ATL2: variants seen among roughly 807,000 people sequenced by gnomAD.
The protein encoded by ATL2 is atlastin GTPase 2.
Under a neutral mutation model 73.9 loss-of-function variants are expected in ATL2, and 31 were observed. The ratio of observed to expected loss-of-function variants is 0.42; its 90% confidence interval spans 0.32 to 0.57. The LOEUF is 0.57. Ranked by LOEUF, ATL2 falls within the 20% of genes least tolerant of loss-of-function variation. The pLI, the probability that ATL2 is intolerant of heterozygous loss-of-function variation, is 0.14. For missense variants in ATL2, 738 were observed against 702.6 expected (o/e 1.05, Z -0.57); for synonymous variants, 291 against 237.5 (o/e 1.23, Z -2.07).
At chr2:38,323,349 GTTTTTT>G (rs1229668962) in intron 2 of ATL2, among the ~76,000 whole-genome samples, 3 of 75,244 alleles carry the variant, frequency 4.0e-5, no homozygotes, top group African/African-American at 5.4e-5. Flanking sequence ...ATCACCAGAA[GTTTTTT>G]TTTTTTTTTT....
intron 1 of ATL2, among the ~76,000 whole-genome samples, chr2:38,363,381 GT>G (rs1203163526): frequency 1.4e-5 from 2 of 141,270 alleles, no homozygotes; most frequent in Non-Finnish European, 3.0e-5. Flanking sequence ...GGGGGGGGGG[GT>G]TATTTATCAT....
At chr2:38,353,105 A>G (rs995327725) in intron 1 of ATL2, among the ~76,000 whole-genome samples, 1 of 152,250 alleles carries the variant, frequency 6.6e-6, no homozygotes, top group Non-Finnish European at 1.5e-5. Flanking sequence ...CAAGAAAGAA[A>G]AGCAGTTAAC....
intron 1 of ATL2, chr2:38,358,629 T>A (rs1670820763): frequency 8.5e-6 from 2 of 235,444 alleles, no homozygotes; most frequent in South Asian, 6.9e-5. Context: ...GAGGCGGAGC[T>A]TGCAGTGAGC....
intron 1 of ATL2, among the ~76,000 whole-genome samples, chr2:38,354,435 T>G (rs554613404): frequency 7.5e-4 from 114 of 152,294 alleles, no homozygotes; most frequent in African/African-American, 2.7e-3. Context: ...AAAAGACATG[T>G]TATGAGGCAA....
At chr2:38,314,120 T>C (rs1230548341) in intron 6 of ATL2, among the ~76,000 whole-genome samples, 3 of 152,196 alleles carry the variant, frequency 2.0e-5, no homozygotes, top group African/African-American at 7.2e-5. Context: ...GCTCTCCTAC[T>C]GTAACTGCAG....
At chr2:38,331,212 A>G (rs377582756) in intron 2 of ATL2, among the ~76,000 whole-genome samples, 158 of 152,164 alleles carry the variant, frequency 1.0e-3, no homozygotes, top group African/African-American at 3.4e-3. Context: ...AGGTGGGCGG[A>G]TCACGAGGTC....
At chr2:38,302,769 C>T (rs115976218) in intron 9 of ATL2, among the ~76,000 whole-genome samples, 4,594 of 152,276 alleles carry the variant, frequency 0.03, 160 homozygotes, top group South Asian at 0.17. Flanking sequence ...CTTGAAATGT[C>T]CCTAATGCAG....
At chr2:38,365,779 C>G (rs751946831) in intron 1 of ATL2, among the ~76,000 whole-genome samples, 5 of 151,392 alleles carry the variant, frequency 3.3e-5, no homozygotes, top group Non-Finnish European at 7.4e-5. Flanking sequence ...AATGAGACTC[C>G]ATCTCAAAAA....
At chr2:38,330,296 G>C (rs1668912795) in intron 2 of ATL2, among the ~76,000 whole-genome samples, 1 of 149,806 alleles carries the variant, frequency 6.7e-6, no homozygotes, top group South Asian at 2.1e-4. Flanking sequence ...AAATCCTACA[G>C]CTAACATAGT....
Position 38,342,517 on chromosome 2 carries a change from G to T in ATL2, c.363+751C>A, listed in dbSNP as rs182076582. 2.0e-3 allele frequency among the ~76,000 whole-genome samples: 306 copies of T among 152,078 alleles called. 1 individual carries two copies. The highest frequency in any genetic ancestry group is 2.0e-3 in the Non-Finnish European group (133 of 67,988). ...ACTATAGTTTATTTGACATATGAAG[G>T]GCAAGAGATGAGATTCAGAGATCAT... is the stretch of plus-strand genomic sequence containing the variant. On this transcript the variant is annotated intron_variant, in intron 2 of 12. Transcript: ENST00000378954.
chr2:38,345,576 TTTAG>T (rs1272240697), intron 1 of ATL2, among the ~76,000 whole-genome samples: 109 of 152,292 alleles, frequency 7.2e-4, no homozygotes, highest in African/African-American at 2.6e-3. Flanking sequence ...GCAATCAATA[TTTAG>T]TTAAAGGGGA....
intron 2 of ATL2, among the ~76,000 whole-genome samples, chr2:38,331,318 C>A (rs1485027912): frequency 1.3e-5 from 2 of 151,768 alleles, no homozygotes; most frequent in Non-Finnish European, 1.5e-5. Context: ...CACCTGTAGT[C>A]CCAGTTACTC....
rs549033959 is a variant in ATL2 at position 38,376,758 on chromosome 2, CCGGA to C, written c.118+381_118+384del. On this transcript the variant is annotated intron_variant, in intron 1 of 12. Coordinates refer to ENST00000378954, the MANE Select transcript of ATL2 (RefSeq NM_001135673.4). ...GTCGCCCCGCCGCGTCCGGAGCTCGCCGGACGGAGCGGAGCCGCAGCCGACCTCC... is the reference window on the plus strand; with the variant it reads ...GTCGCCCCGCCGCGTCCGGAGCTCGCCGGAGCGGAGCCGCAGCCGACCTCC... Among the ~76,000 whole-genome samples the C allele has an allele frequency of 1.6e-3, 240 of 152,080 alleles. 3 individuals carry two copies. The highest frequency in any genetic ancestry group is 5.6e-3 in the African/African-American group (234 of 41,548).
intron 9 of ATL2, among the ~76,000 whole-genome samples, chr2:38,306,970 A>G (rs1216641467): frequency 6.6e-6 from 1 of 152,198 alleles, no homozygotes; most frequent in Non-Finnish European, 1.5e-5. Context: ...ATGCAGAGGA[A>G]TGAAACTAGA....
rs1427916851 is a variant in ATL2 at position 38,295,538 on chromosome 2, T to TA, written c.*455dup. On this transcript the variant is annotated 3_prime_UTR_variant, in exon 13 of 13. Coordinates refer to ENST00000378954, the MANE Select transcript of ATL2 (RefSeq NM_001135673.4). ...GTATTGAAGGCAGTAAAGCAATATA[T>TA]ACTTTTAATGTAGTGGCTCAATAAA... The TA allele has an allele frequency of 6.5e-6, 1 of 153,044 alleles. No homozygotes were observed. The highest frequency in any genetic ancestry group is 1.5e-5 in the Non-Finnish European group (1 of 68,666). 9.5% of individuals were successfully genotyped at this position (153,044 alleles called of 1,614,324 possible).
intron 1 of ATL2, among the ~76,000 whole-genome samples, chr2:38,344,176 T>C (rs1022879803): frequency 6.6e-6 from 1 of 151,254 alleles, no homozygotes; most frequent in African/African-American, 2.5e-5. Context: ...ATTCTGTAAA[T>C]AACTTTTCCA....
At chr2:38,319,498 C>A (rs1668203348) in intron 2 of ATL2, among the ~76,000 whole-genome samples, 1 of 151,780 alleles carries the variant, frequency 6.6e-6, no homozygotes, top group Non-Finnish European at 1.5e-5. Flanking sequence ...ACTCAGCAGG[C>A]TGAGGTAGGA....
At chr2:38,319,465 G>A (rs558560559) in intron 2 of ATL2, among the ~76,000 whole-genome samples, 30 of 151,940 alleles carry the variant, frequency 2.0e-4, no homozygotes, top group Non-Finnish European at 3.4e-4. Context: ...CAGGCGTGGC[G>A]GCACACTCCT....
At chr2:38,363,791 T>G (rs1573581601) in intron 1 of ATL2, among the ~76,000 whole-genome samples, 1 of 152,186 alleles carries the variant, frequency 6.6e-6, no homozygotes, top group South Asian at 2.1e-4. Context: ...ATAATAACAG[T>G]CTTTACTCTT....
Sources: allele counts gnomAD v4.1 joint callset (sites outside exome capture counted in the v4.1 genomes callset), GRCh38; gene constraint gnomAD v4.1.1; transcripts MANE v1.5; gene names NCBI Gene and HGNC (gene_info 2026-07-23, HGNC 2026-07-21).